Variants in CDH18 observed in about 807,000 individuals in gnomAD.
CDH18 encodes cadherin 18.
In CDH18, 31 loss-of-function variants were observed where a neutral mutation model predicts 67.9. The ratio of observed to expected loss-of-function variants is 0.46; its 90% confidence interval spans 0.34 to 0.62. CDH18 has a LOEUF of 0.62. CDH18 is among the 20% of genes least tolerant of loss of function. CDH18 has a pLI of 0.01. For synonymous variants in CDH18, 362 were observed against 347.2 expected (o/e 1.04, Z -0.48); for missense variants, 890 against 975.5 (o/e 0.91, Z 1.17).
At position 19,904,101 on chromosome 5, in the gene CDH18, G is replaced by C. The variant is rs868215120; in HGVS notation, c.-256-64859C>G. On this transcript the variant is annotated intron_variant, in intron 2 of 12. Transcript: ENST00000382275. Reference sequence around the variant, plus strand: ...GCAGGTTGGCTAATATGGCAAAATCGAGTCTCTACTAAAAATACAAAAATT... The same window carrying C: ...GCAGGTTGGCTAATATGGCAAAATCCAGTCTCTACTAAAAATACAAAAATT... 3.3e-5 allele frequency among the ~76,000 whole-genome samples: 5 copies of C among 151,300 alleles called. No individual in the cohort carries two copies. In the Middle Eastern group the frequency reaches 0.01, roughly 311 times the overall value.
At chr5:19,670,959 G>T (rs1463542840) in intron 5 of CDH18, among the ~76,000 whole-genome samples, 1 of 151,950 alleles carries the variant, frequency 6.6e-6, no homozygotes, top group Non-Finnish European at 1.5e-5. Flanking sequence ...TGATGAAAAA[G>T]AAAATTTTAA....
intron 1 of CDH18, among the ~76,000 whole-genome samples, chr5:20,291,069 T>G (rs907344910): frequency 6.6e-6 from 1 of 152,130 alleles, no homozygotes; most frequent in African/African-American, 2.4e-5. Flanking sequence ...GCAGAAAATA[T>G]GGCTTCCAGA....
chr5:19,658,550 T>C (rs1454189212), intron 5 of CDH18, among the ~76,000 whole-genome samples: 1 of 152,148 alleles, frequency 6.6e-6, no homozygotes, highest in Non-Finnish European at 1.5e-5. Context: ...ATGGTAATTG[T>C]TGTTAATACT....
chr5:20,370,451 G>A (rs1269258092), intron 1 of CDH18, among the ~76,000 whole-genome samples: 2 of 152,166 alleles, frequency 1.3e-5, no homozygotes, highest in Non-Finnish European at 2.9e-5. Flanking sequence ...TGGTAGCAGT[G>A]CTGAGGCTTT....
At position 19,610,439 on chromosome 5, in the gene CDH18, C is replaced by T. The variant is rs555655838; in HGVS notation, c.811+1995G>A. ...ATCACAATTAAAATTTTCTGTACATCTGCAAAGTCAATCTTAATAAACCTG... is the reference window on the plus strand; with the variant it reads ...ATCACAATTAAAATTTTCTGTACATTTGCAAAGTCAATCTTAATAAACCTG... On this transcript the variant is annotated intron_variant, in intron 6 of 12. Transcript: ENST00000382275. Among the ~76,000 whole-genome samples, 42 of 152,058 alleles carry T rather than the reference C, an allele frequency of 2.8e-4. No individual in the cohort carries two copies. In the South Asian group the frequency reaches 8.5e-3, roughly 31 times the overall value.
At chr5:20,358,204 T>G (rs528621456) in intron 1 of CDH18, among the ~76,000 whole-genome samples, 1 of 152,314 alleles carries the variant, frequency 6.6e-6, no homozygotes, top group South Asian at 2.1e-4. Context: ...TGTTGGGTAC[T>G]ATGCCCACTA....
intron 7 of CDH18, among the ~76,000 whole-genome samples, chr5:19,573,287 T>C (rs1316440426): frequency 1.3e-5 from 2 of 151,690 alleles, no homozygotes; most frequent in East Asian, 3.9e-4. Context: ...GCATACTCTT[T>C]TTTTTTTTTG....
intron 8 of CDH18, among the ~76,000 whole-genome samples, chr5:19,554,956 T>C (rs1738123963): frequency 6.6e-6 from 1 of 152,194 alleles, no homozygotes; most frequent in Non-Finnish European, 1.5e-5. Flanking sequence ...AACAAGCACA[T>C]GTGTCCAAAG....
At chr5:19,920,126 T>C (rs1015547585) in intron 2 of CDH18, among the ~76,000 whole-genome samples, 1 of 152,192 alleles carries the variant, frequency 6.6e-6, no homozygotes, top group African/African-American at 2.4e-5. Flanking sequence ...ATATTTTCAG[T>C]ACTATAACAT....
At chr5:20,244,312 G>T (rs573613824) in intron 2 of CDH18, among the ~76,000 whole-genome samples, 1 of 152,036 alleles carries the variant, frequency 6.6e-6, no homozygotes, top group Non-Finnish European at 1.5e-5. Flanking sequence ...TACACATTTT[G>T]TTCTGTTCAA....
At chr5:20,259,092 A>C (rs922276962) in intron 1 of CDH18, among the ~76,000 whole-genome samples, 8 of 152,272 alleles carry the variant, frequency 5.3e-5, no homozygotes, top group African/African-American at 1.9e-4. Flanking sequence ...ACTGGCTTTG[A>C]AACCAGAAAG....
intron 2 of CDH18, among the ~76,000 whole-genome samples, chr5:20,105,119 C>A (rs967288113): frequency 6.6e-6 from 1 of 151,936 alleles, no homozygotes; most frequent in African/African-American, 2.4e-5. Flanking sequence ...TCTTGAGTAG[C>A]TGGGATTACA....
intron 2 of CDH18, among the ~76,000 whole-genome samples, chr5:19,847,155 T>C (rs950543257): frequency 6.6e-6 from 1 of 152,122 alleles, no homozygotes; most frequent in Non-Finnish European, 1.5e-5. Context: ...CTTGCATCTA[T>C]TATAGCTATT....
chr5:19,999,219 C>A (rs1736245972), intron 2 of CDH18, among the ~76,000 whole-genome samples: 1 of 146,476 alleles, frequency 6.8e-6, no homozygotes, highest in African/African-American at 2.6e-5. Context: ...CTATTATTTA[C>A]ACACACACAC....
Position 20,249,400 on chromosome 5 carries a change from T to G in CDH18, c.-518+6044A>C, listed in dbSNP as rs888871624. Among the ~76,000 whole-genome samples the G allele has an allele frequency of 2.7e-5, 4 of 150,860 alleles. No homozygotes were observed. The East Asian group carries it at 7.8e-4, about 29-fold the overall frequency. On this transcript the variant is annotated intron_variant, in intron 2 of 14. Transcript: ENST00000507958. ...TTTAAAACTTTTTTTTTTTTTTTTT[T>G]GAGACGGAGTCTGGCTCTGTCGCCC...
In CDH18 at chr5:20,242,609, A is replaced by AT. The variant is rs1189797832; in HGVS notation, c.-518+12834_-518+12835insA. 8.6e-3 allele frequency among the ~76,000 whole-genome samples: 749 copies of AT among 87,034 alleles called. 15 individuals carry two copies. The highest frequency in any genetic ancestry group is 0.019 in the East Asian group (60 of 3,142). The allele number at this position is 87,034 out of a possible 152,430, so 57.1% of individuals were successfully genotyped here. Reference sequence around the variant, plus strand: ...GTTTCATTGAGGGAAAAAAAAAAAAAAAATATATATATATATATATATATG... The same window carrying AT: ...GTTTCATTGAGGGAAAAAAAAAAAAATAAATATATATATATATATATATATG... On this transcript the variant is annotated intron_variant, in intron 2 of 14. Transcript: ENST00000507958.
chr5:19,832,494 C>T (rs1382533921), intron 3 of CDH18, among the ~76,000 whole-genome samples: 2 of 152,010 alleles, frequency 1.3e-5, no homozygotes, highest in African/African-American at 4.8e-5. Context: ...TACTTCTCAG[C>T]TTTTTGGAGT....
chr5:19,784,226 TCAAA>T (rs1420749395), intron 3 of CDH18, among the ~76,000 whole-genome samples: 2 of 152,216 alleles, frequency 1.3e-5, no homozygotes, highest in Non-Finnish European at 2.9e-5. Context: ...AGGGAAAAAT[TCAAA>T]CAGTTTATGA....
chr5:19,967,185 T>C (rs887691204), intron 2 of CDH18, among the ~76,000 whole-genome samples: 1 of 151,966 alleles, frequency 6.6e-6, no homozygotes, highest in African/African-American at 2.4e-5. Flanking sequence ...ATTAACGATA[T>C]TGATGTGATA....
Sources: gnomAD v4.1 joint callset for allele counts (sites outside exome capture counted in the v4.1 genomes callset) on GRCh38, gnomAD v4.1.1 for gene constraint, MANE v1.5 for transcripts, NCBI Gene and HGNC (gene_info 2026-07-23, HGNC 2026-07-21) for gene names.